Variants in FREM2 observed in about 807,000 individuals in gnomAD.
FREM2 encodes FRAS1 related extracellular matrix 2.
FREM2 carries 119 observed loss-of-function variants against 219.9 expected under a neutral mutation model. The observed-to-expected ratio is 0.54, with a 90% CI of 0.47 to 0.63. The LOEUF (loss-of-function observed/expected upper bound fraction) is 0.63, where lower values mean the gene tolerates loss of function less well. FREM2 is among the 30% of genes least tolerant of loss of function. FREM2 has a pLI of 0.00. For missense variants in FREM2, 4,030 were observed against 3,993.6 expected, an observed-to-expected ratio of 1.01 and a Z score of -0.25; for synonymous variants, 1,562 against 1,522.8, an observed-to-expected ratio of 1.03 and a Z score of -0.60.
chr13:38,794,986 T>C (rs1283932125), intron 6 of FREM2, among the ~76,000 whole-genome samples: 1 of 152,168 alleles, frequency 6.6e-6, no homozygotes, highest in East Asian at 1.9e-4. Flanking sequence ...TGGAGAAAAT[T>C]ACTTAAGATC....
chr13:38,833,931 G>A (rs758048236), intron 6 of FREM2, among the ~76,000 whole-genome samples: 1 of 152,048 alleles, frequency 6.6e-6, no homozygotes, highest in Non-Finnish European at 1.5e-5. Flanking sequence ...TGTTTATTTT[G>A]TTTTGAGCAC....
At chr13:38,848,013 G>A (rs374561197) in intron 7 of FREM2, among the ~76,000 whole-genome samples, 2 of 152,308 alleles carry the variant, frequency 1.3e-5, no homozygotes, top group African/African-American at 4.8e-5. Flanking sequence ...CCACATACCT[G>A]AGTAGGATGT....
intron 2 of FREM2, among the ~76,000 whole-genome samples, chr13:38,739,177 T>C (rs1039609898): frequency 3.9e-5 from 6 of 152,170 alleles, no homozygotes; most frequent in African/African-American, 1.4e-4. Flanking sequence ...GTCATAATCA[T>C]CATCATCATC....
chr13:38,841,341 C>CAGGT (rs2137900443), intron 6 of FREM2, among the ~76,000 whole-genome samples: 1 of 152,236 alleles, frequency 6.6e-6, no homozygotes, highest in Non-Finnish European at 1.5e-5. Flanking sequence ...GGGGCATGTG[C>CAGGT]AGGTCTCTGT....
At chr13:38,705,221 T>C (rs1286828528) in intron 2 of FREM2, among the ~76,000 whole-genome samples, 2 of 152,076 alleles carry the variant, frequency 1.3e-5, no homozygotes, top group Admixed American at 1.3e-4. Flanking sequence ...GTAAGCTTGA[T>C]ATAATGTTGG....
chr13:38,742,766 A>C (rs1459900405), intron 2 of FREM2, among the ~76,000 whole-genome samples: 1 of 152,208 alleles, frequency 6.6e-6, no homozygotes, highest in African/African-American at 2.4e-5. Context: ...AGTACACTAC[A>C]ATAGTTCTCT....
intron 23 of FREM2, 148 bp from the exon 24 acceptor site, chr13:38,880,136 A>T (rs1039949515): frequency 1.5e-5 from 12 of 822,106 alleles, no homozygotes; most frequent in Non-Finnish European, 2.2e-5. Context: ...CCTTGCACCT[A>T]GTACTCATTC....
chr13:38,764,158 T>A (rs1873343527), intron 2 of FREM2, 146 bp from the exon 3 acceptor site: 13 of 643,526 alleles, frequency 2.0e-5, no homozygotes, highest in Non-Finnish European at 3.7e-5. Context: ...GTAAGCTGTA[T>A]CTCCATGTAC....
chr13:38,815,520 A>T (rs1875729826), intron 6 of FREM2, among the ~76,000 whole-genome samples: 1 of 152,232 alleles, frequency 6.6e-6, no homozygotes. Context: ...ATTACAACTG[A>T]TACCACAGAA....
At position 38,859,341 on chromosome 13, in the gene FREM2, G is replaced by A. The variant is rs1264817400; in HGVS notation, c.7270G>A (p.Glu2424Lys). 1.2e-6 allele frequency: 2 copies of A among 1,614,090 alleles called. No individual in the cohort carries two copies. The highest frequency in any genetic ancestry group is 1.7e-6 in the Non-Finnish European group (2 of 1,180,042). Residue 2424 changes from glutamate (E) to lysine (K), a missense_variant, in exon 14 of 24, where the codon GAG becomes AAG. Coordinates refer to ENST00000280481, the MANE Select transcript of FREM2 (RefSeq NM_207361.6). ...YDKTGSICASENINDTLTRYR... is the reference protein window; with the variant it reads ...YDKTGSICASKNINDTLTRYR... ...TAAAACAGGCTCTATCTGTGCAAGT[G>A]AGAACATCAATGACACTTTGACGCG...
At chr13:38,754,901 G>GATGATGATTATTATTATTATT (rs56270131) in intron 2 of FREM2, among the ~76,000 whole-genome samples, 71 of 128,660 alleles carry the variant, frequency 5.5e-4, no homozygotes, top group Middle Eastern at 4.3e-3. Context: ...TGATGATGAT[G>GATGATGATTATTATTATTATT]ATTATTATTA....
intron 2 of FREM2, among the ~76,000 whole-genome samples, chr13:38,752,074 G>A (rs906796696): frequency 3.2e-4 from 48 of 152,166 alleles, no homozygotes; most frequent in Admixed American, 3.1e-3. Flanking sequence ...AGCTAGCTTC[G>A]CAAAACTAAT....
At position 38,690,900 on chromosome 13, in the gene FREM2, A is replaced by G; in HGVS notation, c.3556A>G (p.Thr1186Ala). Residue 1186 changes from threonine to alanine, a missense_variant, in exon 1 of 24, where the codon ACC (threonine) becomes GCC (alanine). This residue lies in a region of FREM2 where 3,102 missense variants were observed against 2,950.7 expected (regional missense o/e 1.05). Transcript: ENST00000280481. ...RQFFPIVIIP[T>A]NDEQPEMFMR... ...GTTCTTCCCCATTGTAATCATTCCC[A>G]CCAATGATGAACAGCCAGAGATGTT... The G allele has an allele frequency of 6.2e-7, 1 of 1,613,984 alleles. No individual in the cohort carries two copies.
At chr13:38,815,726 C>T (rs191027281) in intron 6 of FREM2, among the ~76,000 whole-genome samples, 36 of 152,298 alleles carry the variant, frequency 2.4e-4, no homozygotes, top group South Asian at 8.3e-4. Flanking sequence ...TGCTTTCACT[C>T]ATGGCAGAAG....
At chr13:38,849,988 C>A in intron 8 of FREM2, 50 bp from the exon 9 acceptor site, 1 of 1,467,390 alleles carries the variant, frequency 6.8e-7, no homozygotes, top group Non-Finnish European at 9.5e-7. Context: ...TTCTGAAATG[C>A]CATTTTCCAC....
At chr13:38,716,622 C>G (rs1871012692) in intron 2 of FREM2, among the ~76,000 whole-genome samples, 1 of 152,124 alleles carries the variant, frequency 6.6e-6, no homozygotes, top group African/African-American at 2.4e-5. Flanking sequence ...AGTCTCCTCC[C>G]TCAACCTCCC....
chr13:38,776,308 T>A (rs530634733), intron 4 of FREM2, among the ~76,000 whole-genome samples: 2 of 152,346 alleles, frequency 1.3e-5, no homozygotes, highest in East Asian at 1.9e-4. Flanking sequence ...CCTTCATCCA[T>A]GTACTCTATT....
chr13:38,795,827 G>A (rs895480766), intron 6 of FREM2, among the ~76,000 whole-genome samples: 1 of 151,954 alleles, frequency 6.6e-6, no homozygotes, highest in Non-Finnish European at 1.5e-5. Flanking sequence ...TCCCACTTAC[G>A]AGGCAGAATA....
chr13:38,699,815 T>A (rs9603411), intron 2 of FREM2, among the ~76,000 whole-genome samples: 60,559 of 151,978 alleles, frequency 0.4, 14,271 homozygotes, highest in Non-Finnish European at 0.54. Context: ...TTTAGGATTT[T>A]TGCATTGCCG....
Sources: allele counts gnomAD v4.1 joint callset (sites outside exome capture counted in the v4.1 genomes callset), GRCh38; gene constraint gnomAD v4.1.1; regional missense constraint gnomAD v4.1.1; transcripts MANE v1.5; gene names NCBI Gene and HGNC (gene_info 2026-07-23, HGNC 2026-07-21).